GSG1L: variants seen among roughly 807,000 people sequenced by gnomAD.
GSG1L encodes the protein GSG1 like.
GSG1L carries 24 observed loss-of-function variants against 42.1 expected under a neutral mutation model. The observed-to-expected ratio is 0.57, with a 90% confidence interval of 0.41 to 0.80. GSG1L has a LOEUF of 0.80. GSG1L is among the 30% of genes least tolerant of loss of function. The probability of loss-of-function intolerance (pLI) is 0.00; values close to 1 mark genes in which losing one functional copy is unlikely to be tolerated. For missense variants in GSG1L, 445 were observed against 472.2 expected (o/e 0.94, Z 0.53); for synonymous variants, 215 against 203.5 (o/e 1.06, Z -0.48).
intron 2 of GSG1L, among the ~76,000 whole-genome samples, chr16:27,933,245 C>T (rs1465242876): frequency 6.6e-6 from 1 of 152,088 alleles, no homozygotes; most frequent in African/African-American, 2.4e-5. Flanking sequence ...ACCTGAGCAG[C>T]ACTCTCAGCT....
chr16:27,865,530 T>C, intron 3 of GSG1L, among the ~76,000 whole-genome samples: 1 of 8,594 alleles, frequency 1.2e-4, no homozygotes, highest in Non-Finnish European at 2.0e-4. Flanking sequence ...TTTCTATATA[T>C]ATATATATAT....
intron 2 of GSG1L, among the ~76,000 whole-genome samples, chr16:27,935,884 A>G (rs1205132980): frequency 6.9e-6 from 1 of 145,692 alleles, no homozygotes; most frequent in Non-Finnish European, 1.5e-5. Flanking sequence ...TCCTACCTTC[A>G]CTGCTCAGCC....
intron 2 of GSG1L, among the ~76,000 whole-genome samples, chr16:27,950,348 C>A (rs2084937434): frequency 1.3e-5 from 2 of 152,104 alleles, no homozygotes; most frequent in Non-Finnish European, 2.9e-5. Flanking sequence ...GCCCAAATAC[C>A]TAATTACCTG....
chr16:27,804,065 AG>A (rs2082926991), intron 6 of GSG1L, among the ~76,000 whole-genome samples: 1 of 151,976 alleles, frequency 6.6e-6, no homozygotes, highest in Non-Finnish European at 1.5e-5. Context: ...ATAGATAGAT[AG>A]ATAGATAGAT....
chr16:27,860,579 T>C (rs778394291), intron 3 of GSG1L, among the ~76,000 whole-genome samples: 12 of 152,296 alleles, frequency 7.9e-5, no homozygotes, highest in Middle Eastern at 3.4e-3. Context: ...AGAATAGCCA[T>C]TGGGGAGTTT....
intron 1 of GSG1L, among the ~76,000 whole-genome samples, chr16:28,045,185 T>C (rs1273586588): frequency 6.6e-6 from 1 of 152,158 alleles, no homozygotes; most frequent in African/African-American, 2.4e-5. Flanking sequence ...AGTGCAACGC[T>C]ATGAGTGAAC....
At chr16:27,857,522 A>C (rs1235459025) in intron 3 of GSG1L, among the ~76,000 whole-genome samples, 1 of 151,940 alleles carries the variant, frequency 6.6e-6, no homozygotes, top group Admixed American at 6.6e-5. Flanking sequence ...CAGGAGGATC[A>C]CTTGAGGCCA....
At chr16:27,835,553 C>T (rs987346165) in intron 4 of GSG1L, among the ~76,000 whole-genome samples, 1 of 151,850 alleles carries the variant, frequency 6.6e-6, no homozygotes, top group Non-Finnish European at 1.5e-5. Flanking sequence ...TTGTTCTTTC[C>T]TGCTTGTTCC....
rs555957793 is a variant in GSG1L, at chr16:27,807,267, C to T, written c.898+220G>A. 4.6e-5 allele frequency among the ~76,000 whole-genome samples: 7 copies of T among 152,298 alleles called. No homozygotes were observed. In the East Asian group the frequency reaches 1.4e-3, roughly 29 times the overall value. The stretch of plus-strand genomic sequence containing the variant: ...GGAACTCCAGTCTCTTCCTTCCTTT[C>T]TTAGCATCCCATCCCGACTGGGAAG... On this transcript the variant is annotated intron_variant, in intron 6 of 6. Transcript: ENST00000447459.
chr16:27,877,448 T>C (rs547794249), intron 3 of GSG1L, among the ~76,000 whole-genome samples: 2 of 152,340 alleles, frequency 1.3e-5, no homozygotes, highest in Admixed American at 6.5e-5. Flanking sequence ...ATTATTACAT[T>C]CTTTTTTTCT....
At chr16:27,986,988 G>A (rs910546104) in intron 1 of GSG1L, among the ~76,000 whole-genome samples, 6 of 152,142 alleles carry the variant, frequency 3.9e-5, no homozygotes, top group African/African-American at 1.2e-4. Flanking sequence ...AGGCCAAGGC[G>A]GGCAGATCAC....
chr16:27,850,481 G>A (rs561039850), intron 3 of GSG1L: 1 of 455,428 alleles, frequency 2.2e-6, no homozygotes, highest in Admixed American at 2.3e-5. Context: ...GAGGTCACCT[G>A]GAGAGAGACT....
At chr16:27,801,337 A>G (rs2082879509) in intron 6 of GSG1L, among the ~76,000 whole-genome samples, 1 of 152,212 alleles carries the variant, frequency 6.6e-6, no homozygotes, top group African/African-American at 2.4e-5. Context: ...TTTCTAGAAG[A>G]AGAATCCCCG....
intron 3 of GSG1L, among the ~76,000 whole-genome samples, chr16:27,866,147 C>T (rs2083721055): frequency 6.6e-6 from 1 of 152,104 alleles, no homozygotes; most frequent in Admixed American, 6.5e-5. Flanking sequence ...TATCTCTCTG[C>T]CTCTCTCTGT....
intron 1 of GSG1L, among the ~76,000 whole-genome samples, chr16:27,977,797 T>G (rs1280734573): frequency 6.6e-6 from 1 of 152,050 alleles, no homozygotes; most frequent in Non-Finnish European, 1.5e-5. Flanking sequence ...CCCACCACCA[T>G]GAGATTATTT....
At chr16:27,865,924 C>T (rs2083718623) in intron 3 of GSG1L, among the ~76,000 whole-genome samples, 1 of 151,998 alleles carries the variant, frequency 6.6e-6, no homozygotes, top group Non-Finnish European at 1.5e-5. Flanking sequence ...TGGTCTCAAA[C>T]TCCTGAGCTC....
intron 2 of GSG1L, among the ~76,000 whole-genome samples, chr16:27,918,789 T>C (rs1214486591): frequency 2.0e-5 from 3 of 152,138 alleles, no homozygotes; most frequent in East Asian, 1.9e-4. Flanking sequence ...TGCAAAGGCT[T>C]GCTGAACATT....
Position 27,823,776 on chromosome 16 carries a change from C to A in GSG1L, c.830+5013G>T, listed in dbSNP as rs895738540. The A allele has an allele frequency of 7.2e-6, 5 of 690,104 alleles. No individual in the cohort carries two copies. In the Admixed American group the frequency reaches 1.0e-4, roughly 14 times the overall value. The allele number at this position is 690,104 out of a possible 1,614,324, so 42.7% of individuals were successfully genotyped here. A position where few individuals can be genotyped will look rare whatever the true frequency, so the allele number is the denominator to read the frequency against. On this transcript the variant is annotated intron_variant, in intron 5 of 6. Coordinates refer to ENST00000447459, the MANE Select transcript of GSG1L (RefSeq NM_001109763.2). ...GCCCAGGTCCTAGCTCAATACCCAGCAGAGATAATTGATCAAGCCTGAGAG... is the reference window on the plus strand; with the variant it reads ...GCCCAGGTCCTAGCTCAATACCCAGAAGAGATAATTGATCAAGCCTGAGAG...
intron 2 of GSG1L, among the ~76,000 whole-genome samples, chr16:27,925,669 C>T (rs931943103): frequency 2.0e-5 from 3 of 152,096 alleles, no homozygotes; most frequent in Admixed American, 6.5e-5. Context: ...GCAATGTTCA[C>T]GGGAAGGAGG....
Sources: gnomAD v4.1 joint callset for allele counts (sites outside exome capture counted in the v4.1 genomes callset) on GRCh38, gnomAD v4.1.1 for gene constraint, MANE v1.5 for transcripts, NCBI Gene and HGNC (gene_info 2026-07-23, HGNC 2026-07-21) for gene names.